Variants in BEND7 observed in about 807,000 individuals in gnomAD.
BEND7 encodes BEN domain-containing protein 7.
A neutral mutation model predicts 50.9 loss-of-function variants in BEND7; 28 were observed. The ratio of observed to expected loss-of-function variants is 0.55; its 90% CI spans 0.41 to 0.75. The LOEUF (loss-of-function observed/expected upper bound fraction) is 0.75, where lower values mean the gene tolerates loss of function less well. Among genes scored for constraint, BEND7 ranks in the 30% least tolerant of loss-of-function variants. The pLI is 0.00. For synonymous variants in BEND7, 170 were observed against 183.9 expected, an observed-to-expected ratio of 0.92 and a Z score of 0.61; for missense variants, 477 against 491.3, an observed-to-expected ratio of 0.97 and a Z score of 0.28.
At chr10:13,511,984 G>C (rs755549179) in intron 2 of BEND7, among the ~76,000 whole-genome samples, 6 of 152,250 alleles carry the variant, frequency 3.9e-5, no homozygotes, top group Non-Finnish European at 7.4e-5. Flanking sequence ...ACAAGACGTG[G>C]GTGCCGTGTG....
chr10:13,524,901 C>T (rs1407287786), intron 2 of BEND7, among the ~76,000 whole-genome samples: 2 of 152,058 alleles, frequency 1.3e-5, no homozygotes, highest in African/African-American at 4.8e-5. Context: ...CCTATTTTTC[C>T]TCTTAAAGTA....
At chr10:13,489,745 G>A (rs1189993487) in intron 5 of BEND7, among the ~76,000 whole-genome samples, 4 of 152,152 alleles carry the variant, frequency 2.6e-5, no homozygotes, top group Non-Finnish European at 5.9e-5. Context: ...TTGAAGGGGA[G>A]TAGGTGGGTA....
intron 5 of BEND7, among the ~76,000 whole-genome samples, chr10:13,485,757 G>A (rs2076182843): frequency 6.6e-6 from 1 of 152,128 alleles, no homozygotes; most frequent in South Asian, 2.1e-4. Context: ...CCCCATAATT[G>A]ATTTAATTTT....
At chr10:13,474,322 G>A (rs78541664) in intron 6 of BEND7, among the ~76,000 whole-genome samples, 3,492 of 151,216 alleles carry the variant, frequency 0.023, 72 homozygotes, top group Middle Eastern at 0.056. Context: ...ATCCATCATC[G>A]CTGTTAAATT....
chr10:13,496,797 C>A lies in BEND7; in HGVS notation c.540G>T (p.Lys180Asn), dbSNP rs1163234091. Residue 180 changes from lysine to asparagine, a missense_variant, in exon 4 of 9, where the codon AAG (lysine) becomes AAT (asparagine). Transcript: ENST00000466271. ...STLQAILQEL[K>N]TMRKLMQIQA... ...GAATTTGCATTAATTTCCTCATGGT[C>A]TTGAGTTCTTGTAGAATGGCCTGCA... 8.1e-6 allele frequency: 13 copies of A among 1,613,864 alleles called. No homozygotes were observed. The highest frequency in any genetic ancestry group is 9.3e-6 in the Non-Finnish European group (11 of 1,179,924).
intron 2 of BEND7, among the ~76,000 whole-genome samples, chr10:13,507,427 T>C (rs2132384671): frequency 6.6e-6 from 1 of 152,260 alleles, no homozygotes; most frequent in African/African-American, 2.4e-5. Flanking sequence ...CGCTACACTA[T>C]TACACTATCA....
chr10:13,474,791 G>A (rs2075306437), intron 6 of BEND7, among the ~76,000 whole-genome samples: 1 of 152,334 alleles, frequency 6.6e-6, no homozygotes, highest in African/African-American at 2.4e-5. Context: ...TTGGACTCGG[G>A]TTGATACCCA....
intron 6 of BEND7, among the ~76,000 whole-genome samples, chr10:13,458,194 T>A (rs567739001): frequency 1.3e-5 from 2 of 152,334 alleles, no homozygotes; most frequent in East Asian, 3.9e-4. Flanking sequence ...GCCCTTTAAT[T>A]GTATATAAAT....
In BEND7 at chr10:13,441,288, T is replaced by C; in HGVS notation, c.*455A>G. 11 of 955,530 alleles carry C rather than the reference T, an allele frequency of 1.2e-5. No individual in the cohort carries two copies. Among genetic ancestry groups the C allele is most frequent in the Non-Finnish European group, 1.4e-5 (11 of 802,706 alleles). The allele number at this position is 955,530 out of a possible 1,614,324, so 59.2% of individuals were successfully genotyped here. Reference sequence around the variant, plus strand: ...ATACAGAAGATTGAGACATTATCCATAGATATGGATTTTTTTTTTGCTAAG... The same window carrying C: ...ATACAGAAGATTGAGACATTATCCACAGATATGGATTTTTTTTTTGCTAAG... On this transcript the variant is annotated 3_prime_UTR_variant, in exon 9 of 9. Transcript: ENST00000466271.
chr10:13,509,110 A>G (rs138701628), intron 2 of BEND7, among the ~76,000 whole-genome samples: 92 of 152,380 alleles, frequency 6.0e-4, no homozygotes, highest in African/African-American at 2.2e-3. Context: ...AAAATGAGCT[A>G]TCACACGGCT....
chr10:13,447,621 A>G (rs1049337331), intron 7 of BEND7, among the ~76,000 whole-genome samples: 7 of 132,988 alleles, frequency 5.3e-5, no homozygotes, highest in South Asian at 2.3e-4. Context: ...TCGGCTCACT[A>G]CAAGCTCCGC....
At chr10:13,503,173 T>G (rs1341741189) in intron 2 of BEND7, among the ~76,000 whole-genome samples, 1 of 152,078 alleles carries the variant, frequency 6.6e-6, no homozygotes, top group African/African-American at 2.4e-5. Context: ...AAGCTGCAGG[T>G]GGCAATGAGG....
At chr10:13,468,967 C>T (rs947393563) in intron 6 of BEND7, among the ~76,000 whole-genome samples, 2 of 152,226 alleles carry the variant, frequency 1.3e-5, no homozygotes, top group Non-Finnish European at 2.9e-5. Context: ...AGGCCCCATG[C>T]CCTGCAGGAG....
chr10:13,524,175 T>C (rs1017067005), intron 2 of BEND7, among the ~76,000 whole-genome samples: 3 of 152,238 alleles, frequency 2.0e-5, no homozygotes, highest in Middle Eastern at 6.3e-3. Context: ...TCCTTCGTAG[T>C]GACCTTACCA....
At chr10:13,529,128 ATCCCCGGGGGCCGCCGCCGGCC>A (rs2079580994), upstream of BEND7, among the ~76,000 whole-genome samples, 2 of 142,772 alleles carry the variant, frequency 1.4e-5, no homozygotes, top group East Asian at 4.3e-4. Context: ...GGCCGCCGCC[ATCCCCGGGGGCCGCCGCCGGCC>A]TGGCCGCGCG....
intron 2 of BEND7, among the ~76,000 whole-genome samples, chr10:13,525,465 G>A (rs2079392764): frequency 2.0e-5 from 3 of 152,204 alleles, no homozygotes; most frequent in African/African-American, 7.2e-5. Flanking sequence ...TGGGAACAAG[G>A]ATGGTAAGAG....
At chr10:13,510,487 T>A (rs1018110557) in intron 2 of BEND7, among the ~76,000 whole-genome samples, 1 of 152,202 alleles carries the variant, frequency 6.6e-6, no homozygotes, top group Non-Finnish European at 1.5e-5. Flanking sequence ...AAGGGAAATA[T>A]TGGGAACAAT....
intron 8 of BEND7, 159 bp from the exon 9 acceptor site, chr10:13,441,909 T>G: frequency 1.4e-6 from 1 of 692,530 alleles, no homozygotes; most frequent in Non-Finnish European, 2.4e-6. Context: ...AGATGTAACT[T>G]GTCTAGTAGT....
chr10:13,521,622 G>A (rs1455191256), intron 2 of BEND7, among the ~76,000 whole-genome samples: 1 of 152,204 alleles, frequency 6.6e-6, no homozygotes, highest in Non-Finnish European at 1.5e-5. Context: ...TCCACATACT[G>A]GGATTTTGGG....
Sources: allele counts gnomAD v4.1 joint callset (sites outside exome capture counted in the v4.1 genomes callset), GRCh38; gene constraint gnomAD v4.1.1; transcripts MANE v1.5; gene names NCBI Gene and HGNC (gene_info 2026-07-23, HGNC 2026-07-21).